Variants in IQCH observed in about 807,000 individuals in gnomAD.
IQCH encodes the protein IQ domain-containing protein H.
IQCH carries 98 observed loss-of-function variants against 117.0 expected under a neutral mutation model. That is an observed-to-expected ratio of 0.84 (90% CI 0.71 to 0.99). The LOEUF (loss-of-function observed/expected upper bound fraction) is 0.99. Ranked by LOEUF, IQCH falls within the 50% of genes least tolerant of loss-of-function variation. IQCH has a pLI of 0.00. For synonymous variants in IQCH, 412 were observed against 448.2 expected, an observed-to-expected ratio of 0.92 and a Z score of 1.02; for missense variants, 1,102 against 1,243.8, an observed-to-expected ratio of 0.89 and a Z score of 1.72.
At position 67,407,411 on chromosome 15, in the gene IQCH, G is replaced by C. The variant is rs1378288354; in HGVS notation, c.2097+7106G>C. 11 of 152,150 alleles carry C rather than the reference G, an allele frequency of 7.2e-5. No individual in the cohort carries two copies. The highest frequency in any genetic ancestry group is 1.2e-4 in the Non-Finnish European group (8 of 68,030). The allele number at this position is 152,150 out of a possible 1,614,324, so 9.4% of individuals were successfully genotyped here. ...TGTCTTCATCTCTGAGAATGACTTA[G>C]AATGTTTTCTTCCAGTTCAGTGGTT... On this transcript the variant is annotated intron_variant, in intron 14 of 20. Transcript: ENST00000335894. The surrounding 1 kb of genome is among the most constrained non-coding windows in gnomAD (Gnocchi z 5.3).
At chr15:67,418,513 C>CCACA (rs368875296) in intron 15 of IQCH, among the ~76,000 whole-genome samples, 26,409 of 113,864 alleles carry the variant, frequency 0.23, 3,515 homozygotes, top group East Asian at 0.46. Context: ...CAAGTGGCTA[C>CCACA]CACACACACA....
At chr15:67,330,771 T>G (rs1470819712) in intron 4 of IQCH, among the ~76,000 whole-genome samples, 1 of 152,224 alleles carries the variant, frequency 6.6e-6, no homozygotes, top group African/African-American at 2.4e-5. Flanking sequence ...TCCTTTCTGC[T>G]TCTTAGTTTT....
Position 67,416,801 on chromosome 15 carries a change from C to A in IQCH, c.2098-130C>A. ...AAAAGAGAGAACATTTTCAAAATGG[C>A]TTTCTGACTCTGGGTAAACAGTAAC... On this transcript the variant is annotated intron_variant, in intron 14 of 20. Coordinates refer to ENST00000335894, the MANE Select transcript of IQCH (RefSeq NM_001031715.3). The surrounding 1 kb of genome is among the most constrained non-coding windows in gnomAD (Gnocchi z 5.1). 1.7e-6 allele frequency: 1 copy of A among 598,282 alleles called. No individual in the cohort carries two copies. The highest frequency in any genetic ancestry group is 2.6e-6 in the Non-Finnish European group (1 of 386,072). 37.1% of individuals were successfully genotyped at this position (598,282 alleles called of 1,614,324 possible). A position where few individuals can be genotyped will look rare whatever the true frequency, so the allele number is the denominator to read the frequency against.
chr15:67,429,147 T>C (rs911564397), intron 16 of IQCH, among the ~76,000 whole-genome samples: 1 of 152,204 alleles, frequency 6.6e-6, no homozygotes, highest in Non-Finnish European at 1.5e-5. Flanking sequence ...TGTGGCAATT[T>C]GTTGCAGCAG....
intron 3 of IQCH, among the ~76,000 whole-genome samples, chr15:67,266,483 C>T (rs926019766): frequency 7.9e-5 from 12 of 151,902 alleles, no homozygotes; most frequent in Admixed American, 1.3e-4. Flanking sequence ...AGTGAAACCC[C>T]GTCTCTATTA....
intron 14 of IQCH, among the ~76,000 whole-genome samples, chr15:67,414,146 G>A (rs1279779570): frequency 6.6e-6 from 1 of 152,220 alleles, no homozygotes; most frequent in African/African-American, 2.4e-5. Flanking sequence ...GCTGCTTCCT[G>A]AGCAGCAAGG....
intron 16 of IQCH, among the ~76,000 whole-genome samples, chr15:67,442,559 G>A (rs564506666): frequency 2.6e-5 from 4 of 152,230 alleles, no homozygotes; most frequent in East Asian, 3.9e-4. Flanking sequence ...AGGTTACAGG[G>A]AACGCTTCTA....
chr15:67,461,763 G>A lies in IQCH; in HGVS notation c.2506-3364G>A, dbSNP rs952392310. ...CTTTTTTATCTCAGTGTCTTCATCT[G>A]TAAAATGGAGACAGAGTAATACCAA... On this transcript the variant is annotated intron_variant, in intron 16 of 20. Coordinates refer to ENST00000335894, the MANE Select transcript of IQCH (RefSeq NM_001031715.3). Among the ~76,000 whole-genome samples, 5 of 152,224 alleles carry A rather than the reference G, an allele frequency of 3.3e-5. No homozygotes were observed. In the South Asian group the frequency reaches 6.2e-4, roughly 19 times the overall value.
chr15:67,348,142 A>G (rs1301613377), intron 6 of IQCH, among the ~76,000 whole-genome samples: 1 of 152,140 alleles, frequency 6.6e-6, no homozygotes, highest in African/African-American at 2.4e-5. Context: ...GTCTACAACT[A>G]ATATCACAAT....
chr15:67,329,439 A>T (rs1372743844), intron 4 of IQCH, among the ~76,000 whole-genome samples: 2 of 152,174 alleles, frequency 1.3e-5, no homozygotes, highest in African/African-American at 4.8e-5. Flanking sequence ...AAGAACAGTG[A>T]TGGTGAATTT....
intron 4 of IQCH, among the ~76,000 whole-genome samples, chr15:67,304,915 T>A (rs998836947): frequency 5.9e-5 from 9 of 152,076 alleles, no homozygotes; most frequent in African/African-American, 2.2e-4. Flanking sequence ...ACTAAGCCTT[T>A]ATGTCAGCAA....
chr15:67,255,706 G>C (rs769926357), intron 1 of IQCH, among the ~76,000 whole-genome samples: 2 of 152,218 alleles, frequency 1.3e-5, no homozygotes, highest in African/African-American at 2.4e-5. Flanking sequence ...TGTCAGGACT[G>C]TCACTCAGTT....
chr15:67,273,886 G>A (rs749416081), intron 3 of IQCH, among the ~76,000 whole-genome samples: 11 of 152,128 alleles, frequency 7.2e-5, no homozygotes, highest in Middle Eastern at 3.2e-3. Context: ...GCTTTTGTCC[G>A]TCTGGGAAAG....
At chr15:67,354,888 T>C (rs1300000750) in intron 6 of IQCH, among the ~76,000 whole-genome samples, 1 of 152,196 alleles carries the variant, frequency 6.6e-6, no homozygotes, top group African/African-American at 2.4e-5. Flanking sequence ...TCTGCAGCCC[T>C]GGGCCTTACA....
At chr15:67,400,025 AT>A in intron 13 of IQCH, 88 bp from the exon 14 acceptor site, 1 of 978,380 alleles carries the variant, frequency 1.0e-6, no homozygotes, top group Non-Finnish European at 1.6e-6. Context: ...GTAAAGACAC[AT>A]GAGAAGTACA....
intron 4 of IQCH, among the ~76,000 whole-genome samples, chr15:67,332,861 A>G (rs531451466): frequency 6.6e-6 from 1 of 152,220 alleles, no homozygotes; most frequent in Non-Finnish European, 1.5e-5. Context: ...AGGGCAGGCC[A>G]CCTGTTTTTG....
At chr15:67,347,352 C>G (rs1969443478) in intron 6 of IQCH, among the ~76,000 whole-genome samples, 1 of 152,048 alleles carries the variant, frequency 6.6e-6, no homozygotes, top group Non-Finnish European at 1.5e-5. Context: ...GACATCATTA[C>G]AGATCCTATA....
intron 13 of IQCH, among the ~76,000 whole-genome samples, chr15:67,398,719 A>G (rs1160863155): frequency 1.3e-5 from 2 of 150,778 alleles, no homozygotes; most frequent in Non-Finnish European, 3.0e-5. Context: ...GTCCTTTCAC[A>G]CTCTTTAGTT....
At chr15:67,277,190 C>A (rs1966158233) in intron 3 of IQCH, among the ~76,000 whole-genome samples, 1 of 152,230 alleles carries the variant, frequency 6.6e-6, no homozygotes, top group African/African-American at 2.4e-5. Context: ...TCTCTGCTTA[C>A]ATTACCCATC....
Sources: allele counts gnomAD v4.1 joint callset (sites outside exome capture counted in the v4.1 genomes callset), GRCh38; gene constraint gnomAD v4.1.1; non-coding constraint Gnocchi (gnomAD v3.1); transcripts MANE v1.5; gene names NCBI Gene and HGNC (gene_info 2026-07-23, HGNC 2026-07-21).